Variants in FAT2 observed in about 807,000 individuals in gnomAD.
FAT2 encodes protocadherin Fat 2.
A neutral mutation model predicts 295.3 loss-of-function variants in FAT2; 150 were observed. The ratio of observed to expected loss-of-function variants is 0.51; its 90% CI spans 0.44 to 0.58. The LOEUF is 0.58. Among genes scored for constraint, FAT2 ranks in the 20% least tolerant of loss-of-function variants. The pLI is 0.00. For missense variants in FAT2, 4,868 were observed against 5,442.7 expected (o/e 0.89, Z 3.32); for synonymous variants, 2,026 against 2,150.3 (o/e 0.94, Z 1.60).
upstream of FAT2, among the ~76,000 whole-genome samples, chr5:151,593,744 C>T (rs570896295): frequency 6.6e-6 from 1 of 152,178 alleles, no homozygotes; most frequent in African/African-American, 2.4e-5. Flanking sequence ...TGGCTCACAC[C>T]TGTAATCCCA....
intron 22 of FAT2, among the ~76,000 whole-genome samples, chr5:151,508,341 C>A (rs148310102): frequency 1.3e-5 from 2 of 152,304 alleles, no homozygotes; most frequent in East Asian, 3.9e-4. Flanking sequence ...TGTGAAATGT[C>A]CTCCCAACAC....
intron 1 of FAT2, among the ~76,000 whole-genome samples, chr5:151,576,604 G>A (rs1758757355): frequency 1.3e-5 from 2 of 152,176 alleles, no homozygotes; most frequent in Non-Finnish European, 1.5e-5. Flanking sequence ...TTAGGTTGAA[G>A]AGTTTGGATA....
rs748674291 is a variant in FAT2, at chr5:151,529,190, G to A, written c.10014C>T (p.Asp3338=). The change falls in exon 15 of 24, where the codon GAC becomes GAT. Residue 3338 remains aspartate (D), a synonymous_variant. Transcript: ENST00000261800. ...TRVLENALVG[D]VILTVSATDE... is the part of the protein sequence containing the mutation. ...GGCAGATCCTTACCGTGAGGATGAC[G>A]TCACCCACAAGGGCATTCTCTAAGA... is the stretch of plus-strand genomic sequence containing the variant. 35 of 1,614,060 alleles carry A rather than the reference G, an allele frequency of 2.2e-5. No individual in the cohort carries two copies. Among genetic ancestry groups the A allele is most frequent in the East Asian group, 8.9e-5 (4 of 44,870 alleles).
At position 151,567,532 on chromosome 5, in the gene FAT2, A is replaced by G; in HGVS notation, c.1400T>C (p.Leu467Ser). 1 of 1,614,120 alleles carries G rather than the reference A, an allele frequency of 6.2e-7. No homozygotes were observed. Among genetic ancestry groups the G allele is most frequent in the Non-Finnish European group, 8.5e-7 (1 of 1,180,000 alleles). ...LFNRSSYDGT[L>S]DENIPPGTSV... is the part of the protein sequence containing the mutation. ...GGTGCCTGGAGGGATGTTCTCATCC[A>G]AGGTACCATCATAGGAAGACCTGTT... is the stretch of plus-strand genomic sequence containing the variant. The change falls in exon 2 of 24, where the codon TTG becomes TCG. Residue 467 changes from leucine to serine, a missense_variant. Around this residue, in one of 5 missense-constraint regions of FAT2, gnomAD observed 3,297 missense variants for 3,669.4 expected, o/e 0.90. Transcript: ENST00000261800.
At position 151,526,636 on chromosome 5, in the gene FAT2, G is replaced by A. The variant is rs557984138; in HGVS notation, c.10308+598C>T. On this transcript the variant is annotated intron_variant, in intron 17 of 23. Transcript: ENST00000261800. ...TGCTTTGGTTCAGATGTGGACTGGC[G>A]ATATTCTCAGAAAAGATATTTTTAG... Among the ~76,000 whole-genome samples, 7 of 152,206 alleles carry A rather than the reference G, an allele frequency of 4.6e-5. No homozygotes were observed. The East Asian group carries it at 1.2e-3, about 25-fold the overall frequency.
At chr5:151,554,738 A>AGCCCTACCACC in intron 4 of FAT2, 65 bp from the exon 5 acceptor site, 2 of 1,253,792 alleles carry the variant, frequency 1.6e-6, no homozygotes, top group African/African-American at 3.0e-5. Flanking sequence ...ATGCTTTAAC[A>AGCCCTACCACC]ACCTGGAAAT....
intron 15 of FAT2, 41 bp downstream of exon 15, chr5:151,529,135 CCA>C: frequency 6.4e-7 from 1 of 1,553,904 alleles, no homozygotes; most frequent in Non-Finnish European, 8.9e-7. Context: ...AGAACCCATC[CCA>C]GAGTTCTTGT....
chr5:151,516,351 G>T (rs1243034930), intron 20 of FAT2, among the ~76,000 whole-genome samples: 1 of 151,906 alleles, frequency 6.6e-6, no homozygotes, highest in East Asian at 1.9e-4. Context: ...CTCTGCTAAA[G>T]ACGCAAAAGA....
chr5:151,524,277 C>T lies in FAT2; in HGVS notation c.10506+1491G>A, dbSNP rs552462130. ...TGTCAAGGACAGTCTTGATTTTTACCTGTTGTAAATCAGCTACTACCAAGT... is the reference window on the plus strand; with the variant it reads ...TGTCAAGGACAGTCTTGATTTTTACTTGTTGTAAATCAGCTACTACCAAGT... On this transcript the variant is annotated intron_variant, in intron 18 of 23. Coordinates refer to ENST00000261800, the MANE Select transcript of FAT2 (RefSeq NM_001447.3). Among the ~76,000 whole-genome samples, 9 of 152,294 alleles carry T rather than the reference C, an allele frequency of 5.9e-5. No homozygotes were observed. In the East Asian group the frequency reaches 1.5e-3, roughly 26 times the overall value.
chr5:151,521,178 G>T, intron 19 of FAT2, 98 bp downstream of exon 19: 1 of 1,315,144 alleles, frequency 7.6e-7, no homozygotes, highest in Non-Finnish European at 1.0e-6. Flanking sequence ...AAACTTCCCT[G>T]AACTCTCCCA....
chr5:151,522,057 C>G lies in FAT2; in HGVS notation c.10536G>C (p.Ser3512=), dbSNP rs200328870. 3.1e-6 allele frequency: 5 copies of G among 1,598,254 alleles called. No individual in the cohort carries two copies. Among genetic ancestry groups the G allele is most frequent in the South Asian group, 1.1e-5 (1 of 90,392 alleles). ...CATGGACACGGACAGACGTCAAAGA[C>G]GAGAGGGGAGGGATGCCACTGTCTG... ...QASDSGIPPL[S]SLTSVRVHVT... The change falls in exon 19 of 24, where the codon TCG becomes TCC. Residue 3512 remains serine, a synonymous_variant. Transcript: ENST00000261800.
Position 151,568,420 on chromosome 5 carries a change from G to A in FAT2, c.512C>T (p.Thr171Ile). Reference sequence around the variant, plus strand: ...CTGGCCTAGATCAGCATCTGTGGCAGTCACCTTGCAGATGGGGCTCTTCAG... The same window carrying A: ...CTGGCCTAGATCAGCATCTGTGGCAATCACCTTGCAGATGGGGCTCTTCAG... ...MPLKSPICKVTATDADLGQNA... is the reference protein window; with the variant it reads ...MPLKSPICKVIATDADLGQNA... The change falls in exon 2 of 24, where the codon ACT becomes ATT. Residue 171 changes from threonine (T) to isoleucine (I), a missense_variant. By Grantham distance (89) the Thr-to-Ile change is moderately conservative. This residue lies in a region of FAT2 where 3,297 missense variants were observed against 3,669.4 expected (regional missense o/e 0.90). Coordinates refer to ENST00000261800, the MANE Select transcript of FAT2 (RefSeq NM_001447.3). The A allele has an allele frequency of 1.2e-6, 2 of 1,614,222 alleles. No homozygotes were observed. Among genetic ancestry groups the A allele is most frequent in the Non-Finnish European group, 1.7e-6 (2 of 1,180,042 alleles).
chr5:151,573,019 T>C (rs979187989), intron 1 of FAT2, among the ~76,000 whole-genome samples: 9 of 152,268 alleles, frequency 5.9e-5, no homozygotes, highest in African/African-American at 1.9e-4. Context: ...AATAATTGTG[T>C]GGGTACATTA....
chr5:151,511,704 G>A (rs1236459172), intron 21 of FAT2: 6 of 165,498 alleles, frequency 3.6e-5, no homozygotes, highest in East Asian at 1.6e-4. Context: ...GAGCGAAAGC[G>A]TAAACAACAT....
intron 20 of FAT2, among the ~76,000 whole-genome samples, chr5:151,515,490 G>C (rs770876805): frequency 6.6e-6 from 1 of 152,016 alleles, no homozygotes; most frequent in Admixed American, 6.6e-5. Context: ...AGGTCTAATG[G>C]GCATCTGAAA....
In FAT2 at chr5:151,566,936, C is replaced by T. The variant is rs1402930664; in HGVS notation, c.1996G>A (p.Val666Ile). 1 of 1,614,124 alleles carries T rather than the reference C, an allele frequency of 6.2e-7. No individual in the cohort carries two copies. Among genetic ancestry groups the T allele is most frequent in the Admixed American group, 1.7e-5 (1 of 60,028 alleles). ...ITVVKDPHFEVPVTCDKTGVL... is the reference protein window; with the variant it reads ...ITVVKDPHFEIPVTCDKTGVL... ...CCTGTTTTATCACATGTTACAGGAA[C>T]TTCAAAATGAGGGTCCTTCACCACA... Residue 666 changes from valine to isoleucine, a missense_variant, in exon 2 of 24, where the codon GTT (valine) becomes ATT (isoleucine). Transcript: ENST00000261800.
Position 151,550,885 on chromosome 5 carries a change from T to C in FAT2, c.4297-14A>G, listed in dbSNP as rs1193104920. Reference sequence around the variant, plus strand: ...GAAGATGTGGACCTAGGGAGGGAGATGAGGGAGAAGGTGCACTGCAAGCCC... The same window carrying C: ...GAAGATGTGGACCTAGGGAGGGAGACGAGGGAGAAGGTGCACTGCAAGCCC... On this transcript the variant is annotated splice_polypyrimidine_tract_variant and intron_variant, in intron 7 of 23. Coordinates refer to ENST00000261800, the MANE Select transcript of FAT2 (RefSeq NM_001447.3). The C allele has an allele frequency of 1.2e-6, 2 of 1,610,436 alleles. No individual in the cohort carries two copies. Among genetic ancestry groups the C allele is most frequent in the Non-Finnish European group, 1.7e-6 (2 of 1,178,846 alleles).
In FAT2 at chr5:151,542,661, A is replaced by G. The variant is rs1293673796; in HGVS notation, c.8466T>C (p.Ile2822=). ...VGTSVIQVTA[I]DKDTGRDGQV... Reference sequence around the variant, plus strand: ...GGCCATCTCTCCCAGTGTCCTTGTCAATGGCAGTCACTTGAATGACTGAGG... The same window carrying G: ...GGCCATCTCTCCCAGTGTCCTTGTCGATGGCAGTCACTTGAATGACTGAGG... Residue 2822 remains isoleucine (I), a synonymous_variant, in exon 10 of 24, where the codon ATT becomes ATC. Transcript: ENST00000261800. The G allele has an allele frequency of 1.2e-6, 2 of 1,614,062 alleles. No homozygotes were observed. Among genetic ancestry groups the G allele is most frequent in the Non-Finnish European group, 1.7e-6 (2 of 1,180,024 alleles).
chr5:151,562,076 T>G (rs762951828), intron 3 of FAT2, among the ~76,000 whole-genome samples: 1 of 152,118 alleles, frequency 6.6e-6, no homozygotes, highest in Non-Finnish European at 1.5e-5. Context: ...AGCATCCTCC[T>G]CCTAGAACTA....
Sources: gnomAD v4.1 joint callset for allele counts (sites outside exome capture counted in the v4.1 genomes callset) on GRCh38, gnomAD v4.1.1 for gene constraint, gnomAD v4.1.1 regional missense constraint, MANE v1.5 for transcripts, NCBI Gene and HGNC (gene_info 2026-07-23, HGNC 2026-07-21) for gene names.